DAB1: variants seen among roughly 807,000 people sequenced by gnomAD.
The protein encoded by DAB1 is disabled homolog 1.
DAB1 carries 15 observed loss-of-function variants against 64.6 expected under a neutral mutation model. The ratio of observed to expected loss-of-function variants is 0.23; its 90% CI spans 0.16 to 0.36. DAB1 has a LOEUF of 0.36. Ranked by LOEUF, DAB1 falls within the 10% of genes least tolerant of loss-of-function variation. DAB1 has a pLI of 1.00. For missense variants in DAB1, 596 were observed against 706.7 expected (o/e 0.84, Z 1.78); for synonymous variants, 235 against 251.9 (o/e 0.93, Z 0.64).
At chr1:58,083,735 T>C (rs1570329619) in intron 5 of DAB1, among the ~76,000 whole-genome samples, 1 of 152,188 alleles carries the variant, frequency 6.6e-6, no homozygotes, top group South Asian at 2.1e-4. Context: ...AGCCAAACAA[T>C]AAGCAAACAG....
At chr1:57,428,841 C>CAAA (rs55678877), upstream of DAB1, among the ~76,000 whole-genome samples, 5 of 69,624 alleles carry the variant, frequency 7.2e-5, no homozygotes, top group Non-Finnish European at 9.7e-5. Flanking sequence ...TTGTCTTTTA[C>CAAA]AAAAAAAAAA....
At chr1:58,347,240 G>C (rs547114917) in intron 3 of DAB1, among the ~76,000 whole-genome samples, 2 of 152,012 alleles carry the variant, frequency 1.3e-5, no homozygotes, top group African/African-American at 4.8e-5. Flanking sequence ...CCCAAGTAGC[G>C]TGCATTACAG....
intron 3 of DAB1, among the ~76,000 whole-genome samples, chr1:58,459,080 T>C (rs918712143): frequency 6.6e-6 from 1 of 152,184 alleles, no homozygotes; most frequent in African/African-American, 2.4e-5. Context: ...GAATGAACAA[T>C]AGCAGCTTAG....
intron 7 of DAB1, among the ~76,000 whole-genome samples, chr1:57,489,721 G>A (rs926779712): frequency 3.3e-5 from 5 of 152,060 alleles, no homozygotes; most frequent in African/African-American, 9.7e-5. Flanking sequence ...TCTTTATATA[G>A]GTAAACTGAT....
At chr1:57,037,902 G>A in intron 9 of DAB1, among the ~76,000 whole-genome samples, 1 of 152,262 alleles carries the variant, frequency 6.6e-6, no homozygotes, top group East Asian at 1.9e-4. Context: ...AGAACTTCTT[G>A]GGATGATGTA....
intron 3 of DAB1, among the ~76,000 whole-genome samples, chr1:58,394,872 A>G (rs1644505799): frequency 6.6e-6 from 1 of 152,162 alleles, no homozygotes; most frequent in South Asian, 2.1e-4. Context: ...TGAGTTGTAT[A>G]TAAAATTGGT....
At chr1:57,401,339 T>G (rs924037961) in intron 1 of DAB1, among the ~76,000 whole-genome samples, 1 of 152,350 alleles carries the variant, frequency 6.6e-6, no homozygotes, top group East Asian at 1.9e-4. Context: ...TTTATTCATG[T>G]GGTTGCTAAA....
At chr1:58,257,929 T>A (rs1329896345) in intron 4 of DAB1, among the ~76,000 whole-genome samples, 1 of 152,230 alleles carries the variant, frequency 6.6e-6, no homozygotes, top group Non-Finnish European at 1.5e-5. Flanking sequence ...TTGATCTTCT[T>A]GCAGGATTCC....
At chr1:58,072,494 C>T (rs1649338045) in intron 5 of DAB1, among the ~76,000 whole-genome samples, 1 of 152,174 alleles carries the variant, frequency 6.6e-6, no homozygotes, top group Admixed American at 6.5e-5. Context: ...CCTCAGTTTC[C>T]TCATATGCAA....
chr1:57,985,729 C>T (rs183048996), intron 5 of DAB1, among the ~76,000 whole-genome samples: 66 of 152,078 alleles, frequency 4.3e-4, no homozygotes, highest in Admixed American at 2.8e-3. Context: ...CAAAGTGTCC[C>T]GGACAGAGTT....
At chr1:58,175,944 A>G (rs779610991) in intron 4 of DAB1, among the ~76,000 whole-genome samples, 10 of 152,232 alleles carry the variant, frequency 6.6e-5, no homozygotes, top group Non-Finnish European at 1.3e-4. Flanking sequence ...AAGCATTCAC[A>G]TAGAAATCCA....
chr1:57,811,971 A>T (rs974958680), intron 6 of DAB1, among the ~76,000 whole-genome samples: 1 of 152,216 alleles, frequency 6.6e-6, no homozygotes, highest in African/African-American at 2.4e-5. Flanking sequence ...TTCAGGCAGA[A>T]GAACATTTTT....
intron 6 of DAB1, among the ~76,000 whole-genome samples, chr1:57,766,036 A>G (rs1649296246): frequency 6.6e-6 from 1 of 152,066 alleles, no homozygotes; most frequent in Non-Finnish European, 1.5e-5. Flanking sequence ...TTCTCTACCA[A>G]GGTTCACTCC....
At chr1:58,477,868 T>C (rs919601756) in intron 3 of DAB1, among the ~76,000 whole-genome samples, 4 of 152,090 alleles carry the variant, frequency 2.6e-5, no homozygotes, top group Non-Finnish European at 4.4e-5. Context: ...TTCTTACAAG[T>C]AAAAAAACCT....
chr1:57,621,875 C>A (rs1645863850), intron 7 of DAB1, among the ~76,000 whole-genome samples: 1 of 152,116 alleles, frequency 6.6e-6, no homozygotes, highest in Admixed American at 6.5e-5. Context: ...GTTGCTTGAC[C>A]AAACTCAATC....
chr1:57,421,294 A>G (rs76159626), intron 1 of DAB1, among the ~76,000 whole-genome samples: 1,806 of 152,314 alleles, frequency 0.012, 43 homozygotes, highest in African/African-American at 0.041. Context: ...AGCTTGTGAG[A>G]TGAGCTTCAT....
intron 5 of DAB1, among the ~76,000 whole-genome samples, chr1:57,905,489 T>C (rs940128269): frequency 6.6e-6 from 1 of 152,066 alleles, no homozygotes; most frequent in Non-Finnish European, 1.5e-5. Context: ...TTCAAGTGGA[T>C]TGGTGGTGTG....
intron 5 of DAB1, among the ~76,000 whole-genome samples, chr1:58,139,514 G>C (rs901367717): frequency 6.6e-6 from 1 of 152,130 alleles, no homozygotes; most frequent in Non-Finnish European, 1.5e-5. Context: ...CAGATCTTGT[G>C]AGAACTCACT....
At chr1:58,177,335 C>G (rs1656540461) in intron 4 of DAB1, among the ~76,000 whole-genome samples, 1 of 152,062 alleles carries the variant, frequency 6.6e-6, no homozygotes, top group South Asian at 2.1e-4. Context: ...AGAAGAAACT[C>G]TCATATATTT....
Sources: gnomAD v4.1 joint callset for allele counts (sites outside exome capture counted in the v4.1 genomes callset) on GRCh38, gnomAD v4.1.1 for gene constraint, MANE v1.5 for transcripts, NCBI Gene and HGNC (gene_info 2026-07-23, HGNC 2026-07-21) for gene names.